The following SNTG1 variants were observed in gnomAD, a reference collection of about 807,000 sequenced individuals.
SNTG1 encodes syntrophin gamma 1.
A neutral mutation model predicts 74.7 loss-of-function variants in SNTG1; 39 were observed. That is an observed-to-expected ratio of 0.52 (90% CI 0.40 to 0.68). SNTG1 has a LOEUF of 0.68. Among genes scored for constraint, SNTG1 ranks in the 30% least tolerant of loss-of-function variants. SNTG1 has a pLI of 0.00. For synonymous variants in SNTG1, 254 were observed against 217.1 expected, an observed-to-expected ratio of 1.17 and a Z score of -1.49; for missense variants, 685 against 609.5, an observed-to-expected ratio of 1.12 and a Z score of -1.30.
chr8:50,167,929 T>C (rs1161573308), intron 1 of SNTG1, among the ~76,000 whole-genome samples: 2 of 152,044 alleles, frequency 1.3e-5, no homozygotes, highest in Non-Finnish European at 2.9e-5. Flanking sequence ...TCATTATGAT[T>C]TTTTCTAATA....
At chr8:50,285,756 A>C (rs953441521) in intron 2 of SNTG1, among the ~76,000 whole-genome samples, 1 of 151,944 alleles carries the variant, frequency 6.6e-6, no homozygotes, top group Admixed American at 6.6e-5. Flanking sequence ...TACAAAAACC[A>C]TAAGGGCGTC....
chr8:50,559,455 A>T (rs118110148), intron 12 of SNTG1, among the ~76,000 whole-genome samples: 1,732 of 152,178 alleles, frequency 0.011, 15 homozygotes, highest in Non-Finnish European at 0.016. Flanking sequence ...ATAAAAAAAT[A>T]AAAAAAGAAA....
chr8:49,988,784 T>G (rs772097230), intron 1 of SNTG1, among the ~76,000 whole-genome samples: 17 of 152,018 alleles, frequency 1.1e-4, no homozygotes, highest in Non-Finnish European at 2.4e-4. Flanking sequence ...TACATAGAGA[T>G]AAATTTATAG....
intron 15 of SNTG1, among the ~76,000 whole-genome samples, chr8:50,685,221 G>C (rs2095347499): frequency 6.6e-6 from 1 of 152,122 alleles, no homozygotes; most frequent in African/African-American, 2.4e-5. Context: ...AAATAACCTT[G>C]CTTTTCCTCC....
intron 9 of SNTG1, 106 bp downstream of exon 9, chr8:50,502,986 T>C (rs1450747250): frequency 2.3e-6 from 2 of 884,814 alleles, no homozygotes; most frequent in African/African-American, 1.7e-5. Context: ...GATTTTTGCC[T>C]GACTGTAAAC....
intron 2 of SNTG1, among the ~76,000 whole-genome samples, chr8:50,355,247 T>C (rs2091784762): frequency 6.6e-6 from 1 of 152,124 alleles, no homozygotes; most frequent in Non-Finnish European, 1.5e-5. Context: ...AATTAAATAA[T>C]TAATTAATTA....
chr8:50,735,163 G>A (rs2095525067), intron 17 of SNTG1, among the ~76,000 whole-genome samples: 1 of 151,052 alleles, frequency 6.6e-6, no homozygotes, highest in Non-Finnish European at 1.5e-5. Context: ...CCGACATATT[G>A]GATTTAAAAA....
chr8:49,948,309 A>G (rs1170646965), intron 1 of SNTG1, among the ~76,000 whole-genome samples: 1 of 152,154 alleles, frequency 6.6e-6, no homozygotes, highest in African/African-American at 2.4e-5. Flanking sequence ...TGTTTTATGT[A>G]TATCATCTTA....
chr8:50,347,244 T>C (rs1308054436), intron 2 of SNTG1, among the ~76,000 whole-genome samples: 1 of 152,200 alleles, frequency 6.6e-6, no homozygotes, highest in Non-Finnish European at 1.5e-5. Flanking sequence ...TTTTAAATCC[T>C]AGGGCTCTTA....
At chr8:50,411,916 AGT>A (rs2131400331) in intron 4 of SNTG1, among the ~76,000 whole-genome samples, 1 of 152,230 alleles carries the variant, frequency 6.6e-6, no homozygotes, top group Non-Finnish European at 1.5e-5. Flanking sequence ...CAGGTTCCAT[AGT>A]CTGGGCAGCA....
chr8:50,575,892 T>A (rs1329381019), intron 12 of SNTG1, among the ~76,000 whole-genome samples: 1 of 152,252 alleles, frequency 6.6e-6, no homozygotes, highest in Non-Finnish European at 1.5e-5. Context: ...CTCATTTTGT[T>A]TCCTTGAAAT....
At chr8:50,612,969 G>C (rs2130996500) in intron 13 of SNTG1, among the ~76,000 whole-genome samples, 1 of 152,112 alleles carries the variant, frequency 6.6e-6, no homozygotes, top group South Asian at 2.1e-4. Flanking sequence ...TGAAAGCCAA[G>C]TGTACAGGAA....
chr8:50,407,767 C>T (rs1049451702), intron 4 of SNTG1, among the ~76,000 whole-genome samples: 1 of 152,180 alleles, frequency 6.6e-6, no homozygotes, highest in African/African-American at 2.4e-5. Flanking sequence ...TTTCTCAAAT[C>T]TCTCTGCCTG....
At chr8:50,062,854 T>C (rs1820593817) in intron 1 of SNTG1, among the ~76,000 whole-genome samples, 1 of 152,218 alleles carries the variant, frequency 6.6e-6, no homozygotes, top group East Asian at 1.9e-4. Context: ...ACATAATATG[T>C]GCATATTTAC....
At chr8:50,704,446 CG>C in intron 15 of SNTG1, 153 bp from the exon 16 acceptor site, 1 of 887,766 alleles carries the variant, frequency 1.1e-6, no homozygotes, top group Non-Finnish European at 1.8e-6. Context: ...CTTTGAAGCC[CG>C]GAGTTCTGGT....
intron 8 of SNTG1, among the ~76,000 whole-genome samples, chr8:50,473,039 G>A (rs75560436): frequency 2.6e-5 from 4 of 152,110 alleles, no homozygotes; most frequent in African/African-American, 9.7e-5. Flanking sequence ...GAAAACAAGC[G>A]TTGGCAAGTG....
At chr8:50,220,466 T>C (rs550907969) in intron 2 of SNTG1, among the ~76,000 whole-genome samples, 7 of 152,242 alleles carry the variant, frequency 4.6e-5, no homozygotes, top group Admixed American at 6.5e-5. Context: ...CAGAAAGGAA[T>C]ACATGAGACT....
chr8:50,173,265 A>G (rs1242794101), intron 2 of SNTG1, among the ~76,000 whole-genome samples: 1 of 152,158 alleles, frequency 6.6e-6, no homozygotes, highest in East Asian at 1.9e-4. Flanking sequence ...TTACTTTAGG[A>G]AGGAATCATA....
At chr8:49,942,288 G>T (rs937898566) in intron 1 of SNTG1, among the ~76,000 whole-genome samples, 1 of 152,086 alleles carries the variant, frequency 6.6e-6, no homozygotes, top group African/African-American at 2.4e-5. Context: ...AGCTTACAAA[G>T]CTCTTTATAG....
Sources: gnomAD v4.1 joint callset for allele counts (sites outside exome capture counted in the v4.1 genomes callset) on GRCh38, gnomAD v4.1.1 for gene constraint, MANE v1.5 for transcripts, NCBI Gene and HGNC (gene_info 2026-07-23, HGNC 2026-07-21) for gene names.